TEC: variants seen among roughly 807,000 people sequenced by gnomAD.
The protein encoded by TEC is tyrosine-protein kinase Tec.
Under a neutral mutation model 93.0 loss-of-function variants are expected in TEC, and 72 were observed. The observed-to-expected ratio is 0.77, with a 90% CI of 0.64 to 0.94. The LOEUF is 0.94. Among genes scored for constraint, TEC ranks in the 40% least tolerant of loss-of-function variants. The pLI is 0.00. For synonymous variants in TEC, 249 were observed against 247.7 expected (o/e 1.01, Z -0.05); for missense variants, 630 against 757.9 (o/e 0.83, Z 1.98).
At chr4:48,229,257 C>T (rs1360603115) in intron 1 of TEC, among the ~76,000 whole-genome samples, 1 of 152,216 alleles carries the variant, frequency 6.6e-6, no homozygotes, top group Non-Finnish European at 1.5e-5. Context: ...GTCTCCACCA[C>T]AAGAGAAATG....
chr4:48,154,751 T>C (rs989066261), intron 9 of TEC, among the ~76,000 whole-genome samples: 2 of 152,120 alleles, frequency 1.3e-5, no homozygotes, highest in Admixed American at 6.5e-5. Context: ...GGATGGTTAT[T>C]AAAAAAATCA....
chr4:48,235,356 A>G lies in TEC; in HGVS notation c.-45-6697T>C, dbSNP rs549340871. Among the ~76,000 whole-genome samples, 539 of 152,328 alleles carry G rather than the reference A, an allele frequency of 3.5e-3. 1 individual carries two copies. The highest frequency in any genetic ancestry group is 0.013 in the African/African-American group (531 of 41,562). On this transcript the variant is annotated intron_variant, in intron 1 of 17. Transcript: ENST00000381501. ...AATGGCCTCCCATAATTTTTGTTTA[A>G]TAAGATACAATGAGATGAAAAAGTT...
At chr4:48,172,726 T>C (rs914604925) in intron 3 of TEC, among the ~76,000 whole-genome samples, 1 of 152,250 alleles carries the variant, frequency 6.6e-6, no homozygotes, top group African/African-American at 2.4e-5. Flanking sequence ...CTAAGACAAA[T>C]ATAGAAATAC....
intron 14 of TEC, among the ~76,000 whole-genome samples, chr4:48,143,081 G>A (rs1370624892): frequency 6.6e-6 from 1 of 152,200 alleles, no homozygotes; most frequent in African/African-American, 2.4e-5. Context: ...ACTCATATGA[G>A]GTTCCTTCTT....
intron 1 of TEC, among the ~76,000 whole-genome samples, chr4:48,241,654 A>G (rs986968457): frequency 1.3e-5 from 2 of 152,210 alleles, no homozygotes; most frequent in African/African-American, 4.8e-5. Context: ...TCCAGAATTC[A>G]TGAGGGTGAT....
At chr4:48,176,552 T>C (rs1186999498) in intron 2 of TEC, among the ~76,000 whole-genome samples, 1 of 151,932 alleles carries the variant, frequency 6.6e-6, no homozygotes, top group Non-Finnish European at 1.5e-5. Context: ...AAAACCCCCA[T>C]CTCTATTAAA....
At chr4:48,186,203 G>C (rs528908989) in intron 2 of TEC, among the ~76,000 whole-genome samples, 2 of 152,150 alleles carry the variant, frequency 1.3e-5, no homozygotes, top group South Asian at 2.1e-4. Flanking sequence ...ATCTCGGCTC[G>C]TTACAACCTC....
At chr4:48,173,132 G>C (rs1198116753) in intron 3 of TEC, among the ~76,000 whole-genome samples, 1 of 152,200 alleles carries the variant, frequency 6.6e-6, no homozygotes, top group Non-Finnish European at 1.5e-5. Context: ...CTGAGGTTAA[G>C]TCATATGAGT....
intron 11 of TEC, among the ~76,000 whole-genome samples, chr4:48,147,711 CTG>C (rs1211061025): frequency 1.3e-5 from 2 of 152,110 alleles, no homozygotes; most frequent in Non-Finnish European, 2.9e-5. Context: ...CAATTTGAAA[CTG>C]TTATTTTATT....
At chr4:48,159,121 C>A (rs1367346503) in intron 8 of TEC, among the ~76,000 whole-genome samples, 2 of 151,348 alleles carry the variant, frequency 1.3e-5, no homozygotes, top group African/African-American at 2.4e-5. Flanking sequence ...CCCCTGAATT[C>A]TCCTGTCAGG....
intron 2 of TEC, among the ~76,000 whole-genome samples, chr4:48,224,500 G>A (rs1723376407): frequency 6.6e-6 from 1 of 152,078 alleles, no homozygotes; most frequent in Non-Finnish European, 1.5e-5. Flanking sequence ...ATTTAGCCCC[G>A]TGACTAGAAA....
In TEC at chr4:48,141,362, T is replaced by A; in HGVS notation, c.1528A>T (p.Met510Leu). 6.2e-7 allele frequency: 1 copy of A among 1,613,834 alleles called. No homozygotes were observed. Among genetic ancestry groups the A allele is most frequent in the East Asian group, 2.2e-5 (1 of 44,834 alleles). ...ACGTATACTTGGACATACCTGGCCA[T>A]TCCAAAATCAGATACTTTTACAACT... ...AGVVKVSDFG[M>L]ARYVLDDQYT... Residue 510 changes from methionine (M) to leucine (L), a missense_variant, in exon 15 of 18, where the codon ATG becomes TTG. Around this residue, in one of 3 missense-constraint regions of TEC, gnomAD observed 289 missense variants for 390.0 expected, o/e 0.74. Coordinates refer to ENST00000381501, the MANE Select transcript of TEC (RefSeq NM_003215.3).
chr4:48,180,197 T>G (rs1420063018), intron 2 of TEC, among the ~76,000 whole-genome samples: 1 of 152,138 alleles, frequency 6.6e-6, no homozygotes, highest in Admixed American at 6.5e-5. Context: ...TGCAATTACT[T>G]TTGCACCAAC....
rs559766021 is a variant in TEC at position 48,250,109 on chromosome 4, A to G, written c.-46+19643T>C. ...GCAACCCTAACATCTTTATTTAAAT[A>G]TCTAGCAGGTATCTCAAACACAACA... On this transcript the variant is annotated intron_variant, in intron 1 of 17. Transcript: ENST00000381501. Among the ~76,000 whole-genome samples the G allele has an allele frequency of 4.2e-4, 64 of 152,356 alleles. 1 individual carries two copies. Among genetic ancestry groups the G allele is most frequent in the African/African-American group, 1.4e-3 (60 of 41,572 alleles).
At chr4:48,223,104 T>A (rs1723318775) in intron 2 of TEC, among the ~76,000 whole-genome samples, 1 of 151,834 alleles carries the variant, frequency 6.6e-6, no homozygotes, top group African/African-American at 2.4e-5. Context: ...CAATTATAAA[T>A]TTAAAAATTA....
intron 1 of TEC, among the ~76,000 whole-genome samples, chr4:48,246,935 A>G (rs1171669429): frequency 6.6e-6 from 1 of 152,204 alleles, no homozygotes; most frequent in African/African-American, 2.4e-5. Flanking sequence ...TTTGCGTGAC[A>G]TTATTGAAGA....
intron 2 of TEC, among the ~76,000 whole-genome samples, chr4:48,224,996 C>G (rs1723395330): frequency 6.6e-6 from 1 of 152,088 alleles, no homozygotes; most frequent in Non-Finnish European, 1.5e-5. Context: ...CATTGTTTTT[C>G]TATTGAAAAC....
intron 2 of TEC, among the ~76,000 whole-genome samples, chr4:48,223,654 A>T (rs79518735): frequency 6.6e-6 from 1 of 152,200 alleles, no homozygotes; most frequent in Non-Finnish European, 1.5e-5. Context: ...ATGTGCAGAA[A>T]AGAGTTAACA....
intron 7 of TEC, among the ~76,000 whole-genome samples, chr4:48,165,829 A>C (rs1298019301): frequency 6.6e-6 from 1 of 152,244 alleles, no homozygotes; most frequent in African/African-American, 2.4e-5. Flanking sequence ...TGATTTGAAT[A>C]AACCAACAGT....
Sources: gnomAD v4.1 joint callset for allele counts (sites outside exome capture counted in the v4.1 genomes callset) on GRCh38, gnomAD v4.1.1 for gene constraint, gnomAD v4.1.1 regional missense constraint, MANE v1.5 for transcripts, NCBI Gene and HGNC (gene_info 2026-07-23, HGNC 2026-07-21) for gene names.